Variants in MATR3 observed in about 807,000 individuals in gnomAD.
MATR3 encodes matrin-3.
In MATR3, 4 loss-of-function variants were observed where a neutral mutation model predicts 85.5. The observed-to-expected ratio is 0.05, with a 90% CI of 0.02 to 0.11. The LOEUF is 0.11. MATR3 is among the 10% of genes least tolerant of loss of function. The pLI is 1.00. For missense variants in MATR3, 685 were observed against 1,016.1 expected (o/e 0.67, Z 4.43); for synonymous variants, 336 against 343.1 (o/e 0.98, Z 0.23).
chr5:139,307,757 C>T lies in MATR3; in HGVS notation c.342C>T (p.Ser114=), dbSNP rs1754782336. The T allele has an allele frequency of 1.2e-6, 2 of 1,614,168 alleles. No individual in the cohort carries two copies. Among genetic ancestry groups the T allele is most frequent in the Non-Finnish European group, 1.7e-6 (2 of 1,180,024 alleles). The change falls in exon 2 of 15, where the codon AGC becomes AGT. Residue 114 remains serine, a synonymous_variant. Coordinates refer to ENST00000394805, the MANE Select transcript of MATR3 (RefSeq NM_018834.6). This position sits in a 1 kb window ranked among gnomAD's most constrained non-coding sequence, Gnocchi z 4.4. The part of the protein sequence containing the change: ...DADQASNILA[S]FGLSARDLDE... The stretch of plus-strand genomic sequence containing the variant: ...ACCAGGCCAGTAACATTTTGGCCAG[C>T]TTTGGTCTGTCTGCTAGAGACTTAG...
At position 139,287,671 on chromosome 5, in the gene MATR3, TTCAAAGTC is replaced by T. The variant is rs146917069; in HGVS notation, c.-178+8546_-178+8553del. On this transcript the variant is annotated intron_variant, in intron 3 of 16. Transcript: ENST00000509990. ...TGTACCAAACTTGTCACTTAGACCT[TTCAAAGTC>T]TCACCAGCAATTCTTGCTTTGAAAG... 2.0e-3 allele frequency among the ~76,000 whole-genome samples: 308 copies of T among 152,214 alleles called. 1 individual carries two copies. Among genetic ancestry groups the T allele is most frequent in the African/African-American group, 7.1e-3 (297 of 41,546 alleles).
At chr5:139,324,488 G>A (rs182806059) in intron 12 of MATR3, among the ~76,000 whole-genome samples, 4 of 152,044 alleles carry the variant, frequency 2.6e-5, no homozygotes, top group Admixed American at 1.3e-4. Context: ...ACGAGGTTTC[G>A]CCATGTTGGC....
intron 1 of MATR3, among the ~76,000 whole-genome samples, chr5:139,295,379 A>G (rs1474113716): frequency 1.3e-5 from 2 of 152,234 alleles, no homozygotes; most frequent in Non-Finnish European, 2.9e-5. Flanking sequence ...TAAGATTTGG[A>G]AAAGATCATT....
intron 1 of MATR3, among the ~76,000 whole-genome samples, chr5:139,301,659 A>G (rs1006146162): frequency 1.3e-5 from 2 of 152,190 alleles, no homozygotes; most frequent in African/African-American, 4.8e-5. Flanking sequence ...GATTTTGCTT[A>G]AGCAGAGAAG....
At chr5:139,299,816 G>A (rs938030901) in intron 1 of MATR3, 6 of 152,138 alleles carry the variant, frequency 3.9e-5, no homozygotes, top group African/African-American at 1.4e-4. Flanking sequence ...AAAAGCAGGA[G>A]GACTAAGATT....
In MATR3 at chr5:139,319,391, A is replaced by G. The variant is rs752503295; in HGVS notation, c.1492A>G (p.Ile498Val). The change falls in exon 9 of 15, where the codon ATA becomes GTA. Residue 498 changes from isoleucine (I) to valine (V), a missense_variant. Ile to Val is a conservative substitution (Grantham distance 29, BLOSUM62 3). Around this residue, in one of 9 missense-constraint regions of MATR3, gnomAD observed 30 missense variants for 23.9 expected, o/e 1.25. Transcript: ENST00000394805. Reference protein sequence around the residue: ...FDQKQELGRVIHLSNLPHSGY... With the variant: ...FDQKQELGRVVHLSNLPHSGY... ...TCAAAAGCAAGAGCTTGGACGTGTG[A>G]TACATCTCAGCAATTTGCCGCATTC... 13 of 1,614,210 alleles carry G rather than the reference A, an allele frequency of 8.1e-6. No homozygotes were observed. Among genetic ancestry groups the G allele is most frequent in the Non-Finnish European group, 1.1e-5 (13 of 1,180,044 alleles).
At chr5:139,306,069 A>AT (rs1348918039) in intron 1 of MATR3, among the ~76,000 whole-genome samples, 17 of 152,190 alleles carry the variant, frequency 1.1e-4, no homozygotes, top group African/African-American at 4.1e-4. Flanking sequence ...GCCTCATAGA[A>AT]TTCTGTACCA....
chr5:139,327,860 A>T (rs1209589977), intron 14 of MATR3, among the ~76,000 whole-genome samples: 3 of 151,652 alleles, frequency 2.0e-5, no homozygotes, highest in African/African-American at 7.3e-5. Context: ...CTTATATTTT[A>T]TTTATTTTTT....
At chr5:139,321,165 T>C (rs942162831) in intron 9 of MATR3, among the ~76,000 whole-genome samples, 3 of 152,128 alleles carry the variant, frequency 2.0e-5, no homozygotes, top group Non-Finnish European at 2.9e-5. Flanking sequence ...TTTGGTTTTT[T>C]CTGAGATGGA....
intron 3 of MATR3, 42 bp from the exon 4 acceptor site, chr5:139,315,655 G>A: frequency 7.2e-7 from 1 of 1,383,828 alleles, no homozygotes; most frequent in South Asian, 1.2e-5. Context: ...TTTGTGAAAA[G>A]GACAGTTTTA....
chr5:139,315,094 G>C (rs546465836), intron 3 of MATR3: 1 of 217,978 alleles, frequency 4.6e-6, no homozygotes, highest in Admixed American at 5.2e-5. Context: ...ACGGAAAAGA[G>C]GGTAGGTTAT....
chr5:139,320,456 T>TA (rs1045893925), intron 9 of MATR3, among the ~76,000 whole-genome samples: 4 of 152,086 alleles, frequency 2.6e-5, no homozygotes, highest in African/African-American at 9.7e-5. Flanking sequence ...AAATTTTTTT[T>TA]AACCAGGCAA....
intron 6 of MATR3, 73 bp from the exon 7 acceptor site, chr5:139,317,523 G>A: frequency 7.1e-7 from 1 of 1,404,474 alleles, no homozygotes; most frequent in East Asian, 2.3e-5. Context: ...ATTATAAAAA[G>A]TCCTAATGCG....
At position 139,322,673 on chromosome 5, in the gene MATR3, T is replaced by A. The variant is rs747789882; in HGVS notation, c.1854T>A (p.Thr618=). The A allele has an allele frequency of 6.2e-7, 1 of 1,614,178 alleles. No homozygotes were observed. Among genetic ancestry groups the A allele is most frequent in the South Asian group, 1.1e-5 (1 of 91,076 alleles). ...CCAAAACTGATGGTTCCCAGAAGAC[T>A]GAGAGTTCAACCGAAGGTAAAGAAC... ...KKSKTDGSQK[T]ESSTEGKEQE... is the part of the protein sequence containing the mutation. Residue 618 remains threonine (T), a synonymous_variant, in exon 12 of 15, where the codon ACT becomes ACA. Coordinates refer to ENST00000394805, the MANE Select transcript of MATR3 (RefSeq NM_018834.6).
rs1323494396 is a variant in MATR3 at position 139,288,112 on chromosome 5, G to T, written c.-178+8983G>T. 3.3e-5 allele frequency among the ~76,000 whole-genome samples: 5 copies of T among 152,128 alleles called. 1 individual carries two copies. In the South Asian group the frequency reaches 8.3e-4, roughly 25 times the overall value. On this transcript the variant is annotated intron_variant, in intron 3 of 16. Coordinates refer to ENST00000509990, the Ensembl canonical transcript of MATR3. The stretch of plus-strand genomic sequence containing the variant: ...GCTTCTGTAGTCCCAGGTACTCGGA[G>T]GCTGAGGTGAAGGAACACTTGAGCC...
chr5:139,321,688 T>C (rs1706019352), intron 9 of MATR3: 1 of 567,870 alleles, frequency 1.8e-6, no homozygotes, highest in Non-Finnish European at 3.1e-6. Flanking sequence ...GGGGCTAAGG[T>C]GGGAGGATCA....
chr5:139,297,539 A>C (rs922053804), intron 1 of MATR3, among the ~76,000 whole-genome samples: 4 of 152,214 alleles, frequency 2.6e-5, no homozygotes, highest in South Asian at 2.1e-4. Flanking sequence ...ATTGAGTATA[A>C]GTGTTAGGTT....
chr5:139,282,792 T>A (rs1248194836), intron 3 of MATR3: 1 of 152,242 alleles, frequency 6.6e-6, no homozygotes, highest in Non-Finnish European at 1.5e-5. Flanking sequence ...CATGACAGCT[T>A]CTTAGACTTG....
At chr5:139,304,483 A>C (rs1373335077) in intron 1 of MATR3, among the ~76,000 whole-genome samples, 1 of 151,484 alleles carries the variant, frequency 6.6e-6, no homozygotes, top group African/African-American at 2.4e-5. Context: ...CTGGGCATCA[A>C]GAGTGAAACT....
Sources: gnomAD v4.1 joint callset for allele counts (sites outside exome capture counted in the v4.1 genomes callset) on GRCh38, gnomAD v4.1.1 for gene constraint, gnomAD v4.1.1 regional missense constraint, Gnocchi (gnomAD v3.1) non-coding constraint, MANE v1.5 for transcripts, NCBI Gene and HGNC (gene_info 2026-07-23, HGNC 2026-07-21) for gene names.